BRCA2: variants seen among roughly 807,000 people sequenced by gnomAD.
The protein encoded by BRCA2 is BRCA2 DNA repair associated.
Under a neutral mutation model 276.7 loss-of-function variants are expected in BRCA2, and 203 were observed. That is an observed-to-expected ratio of 0.73 (90% CI 0.65 to 0.82). BRCA2 has a LOEUF of 0.82. Ranked by LOEUF, BRCA2 falls within the 40% of genes least tolerant of loss-of-function variation. The pLI, the probability that BRCA2 is intolerant of heterozygous loss-of-function variation, is 0.00. For synonymous variants in BRCA2, 1,289 were observed against 1,338.4 expected (o/e 0.96, Z 0.81); for missense variants, 3,920 against 3,915.0 (o/e 1.00, Z -0.03).
chr13:32,326,017 G>A, intron 4 of BRCA2, 84 bp from the exon 5 acceptor site: 2 of 1,207,334 alleles, frequency 1.7e-6, no homozygotes, highest in South Asian at 1.3e-5. Context: ...TTATATGAAT[G>A]AGAATCTTCT....
rs1293441825 is a variant in BRCA2 at position 32,399,297 on chromosome 13, CT to C, written c.*531del. The C allele has an allele frequency of 5.0e-6, 1 of 198,068 alleles. No homozygotes were observed. Among genetic ancestry groups the C allele is most frequent in the Non-Finnish European group, 1.0e-5 (1 of 96,014 alleles). 12.3% of individuals were successfully genotyped at this position (198,068 alleles called of 1,614,324 possible). A position where few individuals can be genotyped will look rare whatever the true frequency, so the allele number is the denominator to read the frequency against. ...ACAGTTATTTTGATGCAGATAATTC[CT>C]TTTAGTTTAGCTACTATTTTAGGGG... On this transcript the variant is annotated 3_prime_UTR_variant, in exon 27 of 27. Transcript: ENST00000380152.
chr13:32,363,694 G>C (rs1367280239), intron 18 of BRCA2, among the ~76,000 whole-genome samples, 161 bp downstream of exon 18: 1 of 152,134 alleles, frequency 6.6e-6, no homozygotes, highest in South Asian at 2.1e-4. Context: ...TAAAGTTTTT[G>C]TGCAGTTTTT....
At chr13:32,379,948 T>C (rs1479691932) in intron 23 of BRCA2, 35 bp downstream of exon 23, 10 of 1,613,024 alleles carry the variant, frequency 6.2e-6, no homozygotes, top group Non-Finnish European at 8.5e-6. Context: ...TCAGTTTTGA[T>C]AAGTGCTTGT....
Position 32,380,043 on chromosome 13 carries a change from C to T in BRCA2, c.9154C>T (p.Arg3052Trp), listed in dbSNP as rs45580035. 5.0e-6 allele frequency: 8 copies of T among 1,614,046 alleles called. No individual in the cohort carries two copies. The highest frequency in any genetic ancestry group is 2.2e-5 in the South Asian group (2 of 91,082). Reference sequence around the variant, plus strand: ...AATTTTATTTCAGATTTACCAGCCACGGGAGCCCCTTCACTTCAGCAAATT... The same window carrying T: ...AATTTTATTTCAGATTTACCAGCCATGGGAGCCCCTTCACTTCAGCAAATT... ...DEILFQIYQP[R>W]EPLHFSKFLD... The change falls in exon 24 of 27, where the codon CGG becomes TGG. Residue 3052 changes from arginine to tryptophan, a missense_variant. By Grantham distance (101) the Arg-to-Trp change is moderately radical. Around this residue, in one of 2 missense-constraint regions of BRCA2, gnomAD observed 657 missense variants for 758.2 expected, o/e 0.87. Transcript: ENST00000380152.
At chr13:32,321,693 G>A (rs568619754) in intron 3 of BRCA2, among the ~76,000 whole-genome samples, 174 of 152,276 alleles carry the variant, frequency 1.1e-3, no homozygotes, top group Non-Finnish European at 2.1e-3. Flanking sequence ...TGAAAAGTAA[G>A]AGTAATGGAC....
At chr13:32,341,219 C>G (rs373654536) in intron 11 of BRCA2, 23 bp downstream of exon 11, 6 of 1,613,528 alleles carry the variant, frequency 3.7e-6, no homozygotes, top group Non-Finnish European at 5.1e-6. Flanking sequence ...TTTTACCTTT[C>G]GTGTTGCCAA....
At chr13:32,349,831 A>AGCAGC (rs1566238846) in intron 13 of BRCA2, among the ~76,000 whole-genome samples, 2 of 150,566 alleles carry the variant, frequency 1.3e-5, no homozygotes, top group African/African-American at 4.9e-5. Context: ...AAAAAAAAAA[A>AGCAGC]AGCAGCAGCA....
chr13:32,372,689 C>T (rs2072842720), intron 20 of BRCA2, among the ~76,000 whole-genome samples: 1 of 152,120 alleles, frequency 6.6e-6, no homozygotes, highest in African/African-American at 2.4e-5. Context: ...TCATTCTGCC[C>T]TGGACCCTCC....
At chr13:32,317,550 C>T (rs936682774) in intron 2 of BRCA2, among the ~76,000 whole-genome samples, 1 of 152,126 alleles carries the variant, frequency 6.6e-6, no homozygotes, top group Non-Finnish European at 1.5e-5. Flanking sequence ...TAGGTCTTTC[C>T]CATGTCGCAA....
chr13:32,337,189 AAG>A lies in BRCA2; in HGVS notation c.2836_2837del (p.Asp946PhefsTer12), dbSNP rs80359357. ...CAAGCAACCCAAGTGTCAATTAAAA[AAG>A]ATTTGGTTTATGTTCTTGCAGAGGA... On this transcript the variant is annotated frameshift_variant, in exon 11 of 27. Coordinates refer to ENST00000380152, the MANE Select transcript of BRCA2 (RefSeq NM_000059.4). LOFTEE classifies it high-confidence loss of function. The A allele has an allele frequency of 2.5e-6, 4 of 1,613,850 alleles. No homozygotes were observed. The highest frequency in any genetic ancestry group is 3.4e-6 in the Non-Finnish European group (4 of 1,179,880).
Position 32,322,620 on chromosome 13 carries a change from G to C in BRCA2, c.317-2456G>C, listed in dbSNP as rs574009860. On this transcript the variant is annotated intron_variant, in intron 3 of 26. Coordinates refer to ENST00000380152, the MANE Select transcript of BRCA2 (RefSeq NM_000059.4). Reference sequence around the variant, plus strand: ...GCCAGGTGTTCCTTGCCCTCATTCCGGTAAACCCACAAGCTTCCAGCGTGG... The same window carrying C: ...GCCAGGTGTTCCTTGCCCTCATTCCCGTAAACCCACAAGCTTCCAGCGTGG... 1.4e-3 allele frequency among the ~76,000 whole-genome samples: 211 copies of C among 152,282 alleles called. 5 individuals carry two copies. Among genetic ancestry groups the C allele is most frequent in the Non-Finnish European group, 8.8e-5 (6 of 68,004 alleles).
rs431825362 is a variant in BRCA2, at chr13:32,363,187, C to G, written c.7985C>G (p.Thr2662Arg). 1 of 1,612,860 alleles carries G rather than the reference C, an allele frequency of 6.2e-7. No individual in the cohort carries two copies. Among genetic ancestry groups the G allele is most frequent in the East Asian group, 2.2e-5 (1 of 44,840 alleles). Residue 2662 changes from threonine to arginine, a missense_variant, in exon 18 of 27, where the codon ACG becomes AGG. Coordinates refer to ENST00000380152, the MANE Select transcript of BRCA2 (RefSeq NM_000059.4). ...VLLQLKYRYD[T>R]EIDRSRRSAI... ...TTTGTTTTCACTTTTAGATATGATA[C>G]GGAAATTGATAGAAGCAGAAGATCG...
chr13:32,340,621 AG>A lies in BRCA2; in HGVS notation c.6267del (p.Glu2089AspfsTer30), dbSNP rs1301524707. On this transcript the variant is annotated frameshift_variant, in exon 11 of 27. Coordinates refer to ENST00000380152, the MANE Select transcript of BRCA2 (RefSeq NM_000059.4). LOFTEE classifies it high-confidence loss of function. ...VLEEFDLIRT[E>X]HSLHYSPTSR... Reference sequence around the variant, plus strand: ...GAGGAATTTGATTTAATCAGAACTGAGCATAGTCTTCACTATTCACCTACGT... The same window carrying A: ...GAGGAATTTGATTTAATCAGAACTGACATAGTCTTCACTATTCACCTACGT... The A allele has an allele frequency of 1.9e-6, 3 of 1,607,620 alleles. No individual in the cohort carries two copies. Among genetic ancestry groups the A allele is most frequent in the Non-Finnish European group, 2.5e-6 (3 of 1,177,742 alleles).
chr13:32,371,948 T>A (rs1324169302), intron 20 of BRCA2, among the ~76,000 whole-genome samples: 1 of 152,208 alleles, frequency 6.6e-6, no homozygotes, highest in African/African-American at 2.4e-5. Context: ...GAGCCTTCAG[T>A]GAGTTGTAAT....
intron 18 of BRCA2, among the ~76,000 whole-genome samples, chr13:32,367,062 A>C (rs1256089559): frequency 6.6e-6 from 1 of 152,200 alleles, no homozygotes; most frequent in Non-Finnish European, 1.5e-5. Context: ...AAACACTACT[A>C]GTGTCATGTC....
chr13:32,344,560 G>A lies in BRCA2; in HGVS notation c.6844G>A (p.Glu2282Lys), dbSNP rs1555285137. 1 of 1,513,902 alleles carries A rather than the reference G, an allele frequency of 6.6e-7. No individual in the cohort carries two copies. Among genetic ancestry groups the A allele is most frequent in the Non-Finnish European group, 9.2e-7 (1 of 1,092,828 alleles). The allele number at this position is 1,513,902 out of a possible 1,614,324, so 93.8% of individuals were successfully genotyped here. ...RRGEPLILVGEPSIKRNLLNE... is the reference protein window; with the variant it reads ...RRGEPLILVGKPSIKRNLLNE... ...ATATATGAAATATTTCTTTTTAGGA[G>A]AACCCTCAATCAAAAGAAACTTATT... is the stretch of plus-strand genomic sequence containing the variant. The change falls in exon 12 of 27, where the codon GAA becomes AAA. Residue 2282 changes from glutamate (E) to lysine (K), a missense_variant and splice_region_variant. By Grantham distance (56) the Glu-to-Lys change is moderately conservative (BLOSUM62 1). Transcript: ENST00000380152.
In BRCA2 at chr13:32,341,094, A is replaced by G. The variant is rs80358896; in HGVS notation, c.6739A>G (p.Ser2247Gly). 89 of 1,613,886 alleles carry G rather than the reference A, an allele frequency of 5.5e-5. No individual in the cohort carries two copies. The highest frequency in any genetic ancestry group is 7.3e-5 in the Non-Finnish European group (86 of 1,179,944). Reference sequence around the variant, plus strand: ...TGAACTGACAGATTCTAAACTGCCAAGTCATGCCACACATTCTCTTTTTAC... The same window carrying G: ...TGAACTGACAGATTCTAAACTGCCAGGTCATGCCACACATTCTCTTTTTAC... ...DDELTDSKLPSHATHSLFTCP... is the reference protein window; with the variant it reads ...DDELTDSKLPGHATHSLFTCP... The change falls in exon 11 of 27, where the codon AGT (serine) becomes GGT (glycine). Residue 2247 changes from serine (S) to glycine (G), a missense_variant. Transcript: ENST00000380152.
At chr13:32,324,772 A>G (rs2072331280) in intron 3 of BRCA2, among the ~76,000 whole-genome samples, 1 of 152,012 alleles carries the variant, frequency 6.6e-6, no homozygotes, top group Non-Finnish European at 1.5e-5. Context: ...GACTACAGGC[A>G]TATCACCACA....
intron 7 of BRCA2, 78 bp from the exon 8 acceptor site, chr13:32,329,365 G>A: frequency 1.0e-6 from 1 of 976,422 alleles, no homozygotes; most frequent in African/African-American, 1.6e-5. Flanking sequence ...TAGTAGATGT[G>A]CTTTTTGATG....
Sources: gnomAD v4.1 joint callset for allele counts (sites outside exome capture counted in the v4.1 genomes callset) on GRCh38, gnomAD v4.1.1 for gene constraint, gnomAD v4.1.1 regional missense constraint, MANE v1.5 for transcripts, NCBI Gene and HGNC (gene_info 2026-07-23, HGNC 2026-07-21) for gene names.